The following CCL26 variants were observed in gnomAD, a reference collection of about 807,000 sequenced individuals.
The protein encoded by CCL26 is C-C motif chemokine 26.
In CCL26, 10 loss-of-function variants were observed where a neutral mutation model predicts 10.7. That is an observed-to-expected ratio of 0.93 (90% CI 0.57 to 1.58). CCL26 has a LOEUF of 1.58. Among genes scored for constraint, CCL26 ranks in the 40% most tolerant of loss-of-function variants. The probability of loss-of-function intolerance (pLI) is 0.00; values close to 1 mark genes in which losing one functional copy is unlikely to be tolerated. For missense variants in CCL26, 116 were observed against 111.0 expected (o/e 1.05, Z -0.20); for synonymous variants, 43 against 41.4 (o/e 1.04, Z -0.15).
intron 1 of CCL26, among the ~76,000 whole-genome samples, chr7:75,784,639 A>C (rs1156767425): frequency 2.0e-5 from 3 of 152,004 alleles, no homozygotes; most frequent in African/African-American, 7.2e-5. Flanking sequence ...ACATTCTTTT[A>C]TGCACTCCTT....
chr7:75,773,337 T>C (rs1802870650), upstream of CCL26, among the ~76,000 whole-genome samples: 1 of 151,658 alleles, frequency 6.6e-6, no homozygotes, highest in South Asian at 2.1e-4. Context: ...GGCAGGAGAA[T>C]CGCTTGAATG....
upstream of CCL26, chr7:75,772,383 G>A (rs114122247): frequency 2.6e-3 from 1,466 of 563,202 alleles, 27 homozygotes; most frequent in African/African-American, 0.023. Context: ...GGCACTGGGC[G>A]TGGTGGCTCA....
At chr7:75,771,319 C>G (rs1554528065) in intron 2 of CCL26, among the ~76,000 whole-genome samples, 1 of 152,130 alleles carries the variant, frequency 6.6e-6, no homozygotes, top group African/African-American at 2.4e-5. Flanking sequence ...TTCATCACCC[C>G]AGAAAGGAAC....
upstream of CCL26, among the ~76,000 whole-genome samples, chr7:75,790,183 C>CCTTCCTTTCTTTCTTTCTT (rs1563342383): frequency 1.4e-5 from 1 of 72,938 alleles, no homozygotes; most frequent in African/African-American, 5.1e-5. Context: ...TCCTTCCTTT[C>CCTTCCTTTCTTTCTTTCTT]TTTCTTTCTT....
upstream of CCL26, among the ~76,000 whole-genome samples, chr7:75,776,631 G>A (rs1802948625): frequency 6.6e-6 from 1 of 152,022 alleles, no homozygotes; most frequent in African/African-American, 2.4e-5. Flanking sequence ...AAGAAAAAAA[G>A]AAAGATAATG....
chr7:75,789,799 T>TGCGGTACCCCTGGGACCC (rs1272816598), exon 1 of CCL26: 1 of 152,162 alleles, frequency 6.6e-6, no homozygotes, highest in African/African-American at 2.4e-5. Context: ...CCCTGGGATC[T>TGCGGTACCCCTGGGACCC]GCGGTACCCC....
At chr7:75,774,869 A>G (rs1802901538), upstream of CCL26, among the ~76,000 whole-genome samples, 2 of 152,082 alleles carry the variant, frequency 1.3e-5, no homozygotes, top group Non-Finnish European at 2.9e-5. Flanking sequence ...GCAGTGAACT[A>G]TGATCATGCC....
At chr7:75,789,463 T>C (rs1413549069) in intron 1 of CCL26, among the ~76,000 whole-genome samples, 12 of 7,498 alleles carry the variant, frequency 1.6e-3, no homozygotes, top group South Asian at 3.1e-3. Flanking sequence ...CTTTTTCTCT[T>C]TTTTTTTTTT....
At chr7:75,791,582 T>C (rs1037646177), upstream of CCL26, among the ~76,000 whole-genome samples, 20 of 151,624 alleles carry the variant, frequency 1.3e-4, no homozygotes, top group African/African-American at 4.6e-4. Flanking sequence ...TCTCGGCCTC[T>C]CAAAGTGCTG....
intron 1 of CCL26, among the ~76,000 whole-genome samples, chr7:75,788,331 G>C (rs1246213876): frequency 6.6e-6 from 1 of 151,848 alleles, no homozygotes; most frequent in Non-Finnish European, 1.5e-5. Flanking sequence ...GCTCATCCTG[G>C]CTCAAAAGCT....
intron 1 of CCL26, among the ~76,000 whole-genome samples, chr7:75,781,877 A>T (rs1479299408): frequency 5.9e-5 from 9 of 152,014 alleles, no homozygotes; most frequent in African/African-American, 2.2e-4. Flanking sequence ...GGTGAAATAA[A>T]CAGCTTTGTT....
At chr7:75,778,183 G>A (rs1802983097) in intron 1 of CCL26, among the ~76,000 whole-genome samples, 1 of 152,032 alleles carries the variant, frequency 6.6e-6, no homozygotes, top group Non-Finnish European at 1.5e-5. Context: ...GGGTTCCCTT[G>A]TCTCCACATC....
intron 1 of CCL26, among the ~76,000 whole-genome samples, chr7:75,784,678 T>TA (rs1803142502): frequency 6.6e-6 from 1 of 152,156 alleles, no homozygotes; most frequent in Non-Finnish European, 1.5e-5. Context: ...CCCAGCTCCC[T>TA]TATTAGGTTC....
At chr7:75,787,402 T>TTTTTTTTTTTTTCTTTTTTTCTTTTTGA in intron 1 of CCL26, among the ~76,000 whole-genome samples, 1 of 151,906 alleles carries the variant, frequency 6.6e-6, no homozygotes, top group Non-Finnish European at 1.5e-5. Flanking sequence ...CCCAGAACTT[T>TTTTTTTTTTTTTCTTTTTTTCTTTTTGA]GGGAGGCTGA....
In CCL26 at chr7:75,769,730, T is replaced by C. The variant is rs767218615; in HGVS notation, c.248A>G (p.Lys83Arg). The C allele has an allele frequency of 2.5e-6, 4 of 1,613,268 alleles. No homozygotes were observed. The highest frequency in any genetic ancestry group is 3.4e-6 in the Non-Finnish European group (4 of 1,179,182). The change falls in exon 3 of 3, where the codon AAA (lysine) becomes AGA (arginine). Residue 83 changes from lysine (K) to arginine (R), a missense_variant. Lys to Arg is a conservative substitution (Grantham distance 26, BLOSUM62 2). Transcript: ENST00000005180. ...CTHPRKKWVQKYISLLKTPKQ... is the reference protein window; with the variant it reads ...CTHPRKKWVQRYISLLKTPKQ... Reference sequence around the variant, plus strand: ...CGGAGTTTTCAGTAAAGAAATGTATTTTTGCACCCATTTTTTCCTTGGATG... The same window carrying C: ...CGGAGTTTTCAGTAAAGAAATGTATCTTTGCACCCATTTTTTCCTTGGATG...
chr7:75,772,639 A>G (rs1554528291), upstream of CCL26, among the ~76,000 whole-genome samples: 1 of 149,296 alleles, frequency 6.7e-6, no homozygotes, highest in Non-Finnish European at 1.5e-5. Flanking sequence ...CCTGGGCGAC[A>G]GAGTGAGACT....
chr7:75,785,545 G>A (rs530316116), intron 1 of CCL26, among the ~76,000 whole-genome samples: 13 of 152,124 alleles, frequency 8.5e-5, no homozygotes, highest in South Asian at 2.1e-4. Context: ...AAAAACACAC[G>A]TGCTCTCCCT....
chr7:75,779,799 G>C (rs563292663), intron 1 of CCL26, among the ~76,000 whole-genome samples: 1 of 152,248 alleles, frequency 6.6e-6, no homozygotes, highest in African/African-American at 2.4e-5. Context: ...CGCCTGCTTT[G>C]GCTGCTCACC....
chr7:75,782,563 C>T (rs1442701065), intron 1 of CCL26, among the ~76,000 whole-genome samples: 1 of 152,042 alleles, frequency 6.6e-6, no homozygotes, highest in Non-Finnish European at 1.5e-5. Context: ...AGCCTGTGTT[C>T]TCAAGAATTT....
Sources: allele counts gnomAD v4.1 joint callset (sites outside exome capture counted in the v4.1 genomes callset), GRCh38; gene constraint gnomAD v4.1.1; transcripts MANE v1.5; gene names NCBI Gene and HGNC (gene_info 2026-07-23, HGNC 2026-07-21).